Variants in CRISPLD2 observed in about 807,000 individuals in gnomAD.
CRISPLD2 encodes the protein cysteine-rich secretory protein LCCL domain-containing 2.
CRISPLD2 carries 47 observed loss-of-function variants against 71.1 expected under a neutral mutation model. The ratio of observed to expected loss-of-function variants is 0.66; its 90% confidence interval spans 0.52 to 0.84. The LOEUF (loss-of-function observed/expected upper bound fraction) is 0.84. Among genes scored for constraint, CRISPLD2 ranks in the 40% least tolerant of loss-of-function variants. CRISPLD2 has a pLI of 0.00. For missense variants in CRISPLD2, 830 were observed against 651.1 expected, an observed-to-expected ratio of 1.27 and a Z score of -2.99; for synonymous variants, 317 against 250.1, an observed-to-expected ratio of 1.27 and a Z score of -2.52.
chr16:84,853,937 G>A (rs568167517), intron 5 of CRISPLD2, among the ~76,000 whole-genome samples: 9 of 152,358 alleles, frequency 5.9e-5, no homozygotes, highest in South Asian at 2.1e-4. Context: ...CCCAGGAGCC[G>A]CAGGAAGGGC....
Position 84,908,072 on chromosome 16 carries a change from A to G in CRISPLD2, c.*1430A>G, listed in dbSNP as rs1442900489. 1 of 152,272 alleles carries G rather than the reference A, an allele frequency of 6.6e-6. No homozygotes were observed. Among genetic ancestry groups the G allele is most frequent in the African/African-American group, 2.4e-5 (1 of 41,472 alleles). The allele number at this position is 152,272 out of a possible 1,614,324, so 9.4% of individuals were successfully genotyped here. A position where few individuals can be genotyped will look rare whatever the true frequency, so the allele number is the denominator to read the frequency against. On this transcript the variant is annotated 3_prime_UTR_variant, in exon 15 of 15. Coordinates refer to ENST00000262424, the MANE Select transcript of CRISPLD2 (RefSeq NM_031476.4). ...ATTTCTTAGGTGAAAGAACTAGCAG[A>G]AAGTCAAAAACTAAGATACTGTAGA...
chr16:84,885,430 G>A (rs1210359114), intron 13 of CRISPLD2, among the ~76,000 whole-genome samples: 2 of 152,188 alleles, frequency 1.3e-5, no homozygotes, highest in Non-Finnish European at 2.9e-5. Flanking sequence ...GGGAAAATGC[G>A]TCCTGGTTCA....
chr16:84,827,480 C>T (rs1468789167), intron 1 of CRISPLD2, among the ~76,000 whole-genome samples: 1 of 152,106 alleles, frequency 6.6e-6, no homozygotes, highest in Non-Finnish European at 1.5e-5. Flanking sequence ...TTCGCCTGTC[C>T]TCGGTCACGG....
chr16:84,897,767 C>A (rs543189245), intron 14 of CRISPLD2, among the ~76,000 whole-genome samples: 258 of 152,328 alleles, frequency 1.7e-3, no homozygotes, highest in Middle Eastern at 3.4e-3. Context: ...CAGGCACCCA[C>A]TGCCAGGCCC....
At chr16:84,852,590 G>C (rs1917120268) in intron 5 of CRISPLD2, among the ~76,000 whole-genome samples, 1 of 152,188 alleles carries the variant, frequency 6.6e-6, no homozygotes, top group Non-Finnish European at 1.5e-5. Flanking sequence ...GAGAGGGCTT[G>C]AGCCCCTGGG....
At chr16:84,896,963 A>G (rs2071711701) in intron 14 of CRISPLD2, among the ~76,000 whole-genome samples, 1 of 152,252 alleles carries the variant, frequency 6.6e-6, no homozygotes, top group South Asian at 2.1e-4. Context: ...ACCCTCCTTA[A>G]TCCCGTCTGT....
intron 13 of CRISPLD2, among the ~76,000 whole-genome samples, chr16:84,887,856 A>G (rs1208158987): frequency 2.0e-5 from 3 of 152,222 alleles, no homozygotes; most frequent in Non-Finnish European, 4.4e-5. Flanking sequence ...AGCCTGAGCA[A>G]TAAGAGCGAA....
Position 84,873,126 on chromosome 16 carries a change from A to G in CRISPLD2, c.1112+4A>G, listed in dbSNP as rs558176005. 1 of 1,610,112 alleles carries G rather than the reference A, an allele frequency of 6.2e-7. No homozygotes were observed. On this transcript the variant is annotated splice_donor_region_variant and intron_variant, in intron 10 of 14. Coordinates refer to ENST00000262424, the MANE Select transcript of CRISPLD2 (RefSeq NM_031476.4). ...GACACGGCGTGCAGTCCCTCAGGTA[A>G]CTACTCTGTGATCGGGGCTCTGTGA...
At position 84,877,365 on chromosome 16, in the gene CRISPLD2, C is replaced by G. The variant is rs750878849; in HGVS notation, c.1157-73C>G. On this transcript the variant is annotated intron_variant, in intron 11 of 14. Transcript: ENST00000262424. The stretch of plus-strand genomic sequence containing the variant: ...CATAGGCCCTGGTAGTCTAGTGGCC[C>G]ATTGCACAGCCTGGTAGCCTGAGGC... The G allele has an allele frequency of 1.0e-4, 142 of 1,371,226 alleles. No individual in the cohort carries two copies. The Middle Eastern group carries it at 1.1e-3, about 11-fold the overall frequency. The allele number at this position is 1,371,226 out of a possible 1,614,324, so 84.9% of individuals were successfully genotyped here.
intron 3 of CRISPLD2, among the ~76,000 whole-genome samples, chr16:84,846,565 G>T (rs1916920240): frequency 2.0e-5 from 3 of 151,986 alleles, no homozygotes; most frequent in Admixed American, 2.0e-4. Flanking sequence ...GTAGTTTGGG[G>T]TTTCCATTCC....
intron 12 of CRISPLD2, among the ~76,000 whole-genome samples, chr16:84,879,664 CTT>C (rs879676500): frequency 1.4e-5 from 2 of 146,600 alleles, no homozygotes; most frequent in African/African-American, 2.5e-5. Flanking sequence ...ACCTGGCCTT[CTT>C]TTTTTTTTTT....
intron 13 of CRISPLD2, among the ~76,000 whole-genome samples, chr16:84,881,587 A>G (rs754759899): frequency 6.6e-5 from 10 of 152,182 alleles, no homozygotes; most frequent in Non-Finnish European, 8.8e-5. Flanking sequence ...AATCTTCTAG[A>G]TCTAAAATTC....
intron 13 of CRISPLD2, chr16:84,880,786 AC>A: frequency 2.3e-6 from 1 of 434,650 alleles, no homozygotes; most frequent in South Asian, 4.1e-5. Context: ...GCCCACTGTA[AC>A]CTCTGCCTCC....
At chr16:84,847,731 G>A (rs767320998) in intron 3 of CRISPLD2, among the ~76,000 whole-genome samples, 16 of 152,140 alleles carry the variant, frequency 1.1e-4, no homozygotes, top group East Asian at 7.7e-4. Context: ...AGCCTGGTTC[G>A]GCTCTTTTCA....
At chr16:84,837,432 T>C (rs892410991) in intron 1 of CRISPLD2, among the ~76,000 whole-genome samples, 1 of 138,922 alleles carries the variant, frequency 7.2e-6, no homozygotes, top group East Asian at 2.1e-4. Context: ...TTTTTTTTTT[T>C]CTGAGACGGA....
In CRISPLD2 at chr16:84,856,763, C is replaced by G. The variant is rs556186289; in HGVS notation, c.709+1934C>G. Among the ~76,000 whole-genome samples, 5 of 152,336 alleles carry G rather than the reference C, an allele frequency of 3.3e-5. No homozygotes were observed. The East Asian group carries it at 7.7e-4, about 24-fold the overall frequency. ...TCAAAAGGCCATTCCACTGTTCTAT[C>G]AATCCAGCTGCTTCAGAATGTTGGG... On this transcript the variant is annotated intron_variant, in intron 6 of 14. Transcript: ENST00000262424.
chr16:84,834,876 C>A (rs551922603), intron 1 of CRISPLD2, among the ~76,000 whole-genome samples: 2 of 152,188 alleles, frequency 1.3e-5, no homozygotes, highest in East Asian at 3.9e-4. Flanking sequence ...TTGGTTAGGG[C>A]CCAACCTCAT....
chr16:84,880,657 TG>T, intron 13 of CRISPLD2, 73 bp downstream of exon 13: 1 of 1,122,978 alleles, frequency 8.9e-7, no homozygotes, highest in Non-Finnish European at 1.3e-6. Flanking sequence ...CTCCAAGATC[TG>T]GATACTTGAA....
intron 1 of CRISPLD2, among the ~76,000 whole-genome samples, chr16:84,828,722 C>T (rs1003636473): frequency 3.9e-5 from 6 of 152,032 alleles, no homozygotes; most frequent in African/African-American, 1.2e-4. Flanking sequence ...TGGCTTGCAT[C>T]GAATGCACCT....
Sources: gnomAD v4.1 joint callset for allele counts (sites outside exome capture counted in the v4.1 genomes callset) on GRCh38, gnomAD v4.1.1 for gene constraint, MANE v1.5 for transcripts, NCBI Gene and HGNC (gene_info 2026-07-23, HGNC 2026-07-21) for gene names.